Variants in EIF2AK4 observed in about 807,000 individuals in gnomAD.
EIF2AK4 encodes eIF-2-alpha kinase GCN2.
Under a neutral mutation model 211.1 loss-of-function variants are expected in EIF2AK4, and 139 were observed. That is an observed-to-expected ratio of 0.66 (90% confidence interval 0.57 to 0.76). The LOEUF (loss-of-function observed/expected upper bound fraction) is 0.76. EIF2AK4 is among the 30% of genes least tolerant of loss of function. The probability of loss-of-function intolerance (pLI) is 0.00; values close to 1 mark genes in which losing one functional copy is unlikely to be tolerated. For missense variants in EIF2AK4, 1,664 were observed against 2,043.8 expected (o/e 0.81, Z 3.58); for synonymous variants, 710 against 751.3 (o/e 0.94, Z 0.90).
intron 11 of EIF2AK4, chr15:39,975,571 A>G (rs2034682736): frequency 6.6e-6 from 1 of 152,238 alleles, no homozygotes; most frequent in Non-Finnish European, 1.5e-5. Context: ...AAGACTCTGT[A>G]AAAGTTACTT....
At chr15:40,024,212 A>C (rs1362715866) in intron 32 of EIF2AK4, among the ~76,000 whole-genome samples, 2 of 147,440 alleles carry the variant, frequency 1.4e-5, no homozygotes, top group Non-Finnish European at 3.0e-5. Context: ...TTTATTTTTA[A>C]CCTGTCTTTT....
At chr15:39,946,913 A>G in intron 3 of EIF2AK4, 1 of 467,224 alleles carries the variant, frequency 2.1e-6, no homozygotes, top group Non-Finnish European at 3.8e-6. Flanking sequence ...TGATTTCTAC[A>G]GACATAATGC....
intron 26 of EIF2AK4, 132 bp downstream of exon 26, chr15:40,009,862 T>G (rs1356029029): frequency 4.6e-5 from 31 of 671,054 alleles, no homozygotes; most frequent in Non-Finnish European, 7.9e-5. Flanking sequence ...CTTCCTTCAT[T>G]GCTCTAAATT....
At chr15:40,000,915 A>T in intron 20 of EIF2AK4, 73 bp from the exon 21 acceptor site, 1 of 1,470,566 alleles carries the variant, frequency 6.8e-7, no homozygotes, top group Non-Finnish European at 9.5e-7. Flanking sequence ...TGAACTGACT[A>T]CTGACTTGTC....
chr15:40,006,233 A>G (rs1268558858), intron 23 of EIF2AK4, among the ~76,000 whole-genome samples: 2 of 152,158 alleles, frequency 1.3e-5, no homozygotes, highest in African/African-American at 4.8e-5. Flanking sequence ...TTTTTCTTTT[A>G]TAGTGAGTAA....
intron 27 of EIF2AK4, among the ~76,000 whole-genome samples, chr15:40,011,770 TC>T (rs1490272951): frequency 6.6e-6 from 1 of 152,206 alleles, no homozygotes; most frequent in African/African-American, 2.4e-5. Flanking sequence ...CTCCATGTCT[TC>T]TAACTCCTCA....
intron 19 of EIF2AK4, 134 bp downstream of exon 19, chr15:39,997,199 A>G (rs1332529780): frequency 3.0e-6 from 2 of 677,398 alleles, no homozygotes. Flanking sequence ...TTAATGACTC[A>G]TTTATTCAGA....
At chr15:39,950,254 C>T (rs1268060158) in intron 4 of EIF2AK4, among the ~76,000 whole-genome samples, 2 of 152,070 alleles carry the variant, frequency 1.3e-5, no homozygotes, top group African/African-American at 4.8e-5. Flanking sequence ...GCACAGAAGA[C>T]AGATAACATT....
intron 21 of EIF2AK4, 142 bp downstream of exon 21, chr15:40,001,366 T>C: frequency 1.0e-5 from 8 of 787,426 alleles, no homozygotes; most frequent in Non-Finnish European, 1.2e-5. Flanking sequence ...ATGCAAAATG[T>C]GTGTATATGC....
intron 3 of EIF2AK4, among the ~76,000 whole-genome samples, chr15:39,943,813 G>A (rs1328967104): frequency 1.3e-5 from 2 of 151,952 alleles, no homozygotes; most frequent in Admixed American, 1.3e-4. Flanking sequence ...AAATTAACTG[G>A]GTGTGGTGGT....
At chr15:39,992,928 C>T (rs575749327) in intron 18 of EIF2AK4, 80 bp downstream of exon 18, 102 of 1,355,904 alleles carry the variant, frequency 7.5e-5, no homozygotes, top group Admixed American at 4.5e-4. Flanking sequence ...GATTTAGTCC[C>T]GGCTAAAATA....
intron 13 of EIF2AK4, among the ~76,000 whole-genome samples, chr15:39,984,611 G>A (rs1388918647): frequency 1.3e-5 from 2 of 152,162 alleles, no homozygotes; most frequent in East Asian, 3.8e-4. Flanking sequence ...TCTCTTTACA[G>A]CAATTGTGAA....
intron 38 of EIF2AK4, 115 bp downstream of exon 38, chr15:40,034,559 T>G: frequency 2.6e-6 from 2 of 765,660 alleles, no homozygotes; most frequent in South Asian, 1.7e-5. Context: ...AAGCTGTTCT[T>G]AGAATTGCAG....
At chr15:39,952,253 A>G (rs1029452509) in intron 4 of EIF2AK4, among the ~76,000 whole-genome samples, 3 of 151,234 alleles carry the variant, frequency 2.0e-5, no homozygotes, top group Non-Finnish European at 4.4e-5. Flanking sequence ...TTTTCCATCC[A>G]GGGCTGTTTG....
intron 33 of EIF2AK4, among the ~76,000 whole-genome samples, chr15:40,027,184 G>A (rs2140949467): frequency 6.6e-6 from 1 of 152,268 alleles, no homozygotes; most frequent in African/African-American, 2.4e-5. Context: ...TAAAATATTT[G>A]CACATCTTTT....
At chr15:39,992,694 C>CT (rs893925943) in intron 17 of EIF2AK4, 75 bp from the exon 18 acceptor site, 2 of 1,351,484 alleles carry the variant, frequency 1.5e-6, no homozygotes, top group Non-Finnish European at 1.1e-6. Context: ...TTTAAGAAAC[C>CT]TTTTTTTGTT....
chr15:40,014,027 G>T (rs758843133), intron 27 of EIF2AK4, among the ~76,000 whole-genome samples: 2 of 152,228 alleles, frequency 1.3e-5, no homozygotes, highest in Non-Finnish European at 2.9e-5. Context: ...TTCCAAATGG[G>T]AGAAATTGGC....
chr15:39,967,047 C>T (rs1047802596), intron 8 of EIF2AK4, among the ~76,000 whole-genome samples: 1 of 152,198 alleles, frequency 6.6e-6, no homozygotes. Context: ...AAACTGTTCA[C>T]TAATTTTGTA....
chr15:39,998,257 G>GTT (rs752625722), intron 19 of EIF2AK4, among the ~76,000 whole-genome samples: 334 of 109,112 alleles, frequency 3.1e-3, no homozygotes, highest in Non-Finnish European at 5.0e-3. Context: ...TATGGGTGTG[G>GTT]TTTTTTTTTT....
Sources: gnomAD v4.1 joint callset for allele counts (sites outside exome capture counted in the v4.1 genomes callset) on GRCh38, gnomAD v4.1.1 for gene constraint, MANE v1.5 for transcripts, NCBI Gene and HGNC (gene_info 2026-07-23, HGNC 2026-07-21) for gene names.